PRELID2: variants seen among roughly 807,000 people sequenced by gnomAD.
The protein encoded by PRELID2 is PRELI domain-containing protein 2.
A neutral mutation model predicts 28.4 loss-of-function variants in PRELID2; 25 were observed. The ratio of observed to expected loss-of-function variants is 0.88; its 90% CI spans 0.64 to 1.23. The LOEUF is 1.23. Among genes scored for constraint, PRELID2 ranks in the 50% most tolerant of loss-of-function variants. The pLI is 0.00. For missense variants in PRELID2, 201 were observed against 214.4 expected (o/e 0.94, Z 0.39); for synonymous variants, 76 against 71.6 (o/e 1.06, Z -0.31).
chr5:145,821,359 G>C (rs1007120243), intron 2 of PRELID2, among the ~76,000 whole-genome samples: 1 of 150,924 alleles, frequency 6.6e-6, no homozygotes, highest in Non-Finnish European at 1.5e-5. Context: ...CCTCGTGTTT[G>C]TGTGTGTGTG....
At chr5:145,623,196 A>G (rs1158006807) in intron 1 of PRELID2, among the ~76,000 whole-genome samples, 1 of 151,850 alleles carries the variant, frequency 6.6e-6, no homozygotes, top group Non-Finnish European at 1.5e-5. Flanking sequence ...CATGCCTGTA[A>G]TCCCAGCACT....
At chr5:145,332,498 C>T in the PRELID2 span, among the ~76,000 whole-genome samples, 3 of 151,982 alleles carry the variant, frequency 2.0e-5, no homozygotes, top group Admixed American at 1.3e-4. Context: ...CCTGTCTTCA[C>T]ATTTTATTTC....
At chr5:145,793,302 T>C (rs17422183) in intron 5 of PRELID2, among the ~76,000 whole-genome samples, 8,012 of 152,244 alleles carry the variant, frequency 0.053, 307 homozygotes, top group Non-Finnish European at 0.082. Flanking sequence ...TGTGAGTACC[T>C]AGTTTTGATT....
chr5:145,787,414 G>A (rs1008248506), intron 5 of PRELID2, among the ~76,000 whole-genome samples: 1 of 152,130 alleles, frequency 6.6e-6, no homozygotes, highest in African/African-American at 2.4e-5. Flanking sequence ...TGGGGAGTGG[G>A]AAGCTAGCAA....
intron 5 of PRELID2, among the ~76,000 whole-genome samples, chr5:145,767,175 G>A (rs1299232934): frequency 7.0e-6 from 1 of 142,098 alleles, no homozygotes; most frequent in Admixed American, 7.4e-5. Flanking sequence ...CACTGGTGGA[G>A]TGGCAGAGCA....
chr5:145,705,921 C>T (rs1326896273), intron 1 of PRELID2, among the ~76,000 whole-genome samples: 1 of 146,892 alleles, frequency 6.8e-6, no homozygotes, highest in Non-Finnish European at 1.5e-5. Context: ...ATACACCACC[C>T]ATGCACACAT....
chr5:145,792,746 T>C (rs1460380333), intron 5 of PRELID2, among the ~76,000 whole-genome samples: 1 of 152,160 alleles, frequency 6.6e-6, no homozygotes, highest in East Asian at 1.9e-4. Flanking sequence ...CATATAACCA[T>C]AAAAAGAAAA....
At chr5:145,787,518 C>T (rs1375494905) in intron 5 of PRELID2, among the ~76,000 whole-genome samples, 8 of 148,418 alleles carry the variant, frequency 5.4e-5, no homozygotes, top group African/African-American at 1.0e-4. Flanking sequence ...CATGCTGTCT[C>T]AACAGGGCAA....
the PRELID2 span, among the ~76,000 whole-genome samples, chr5:145,443,453 C>T: frequency 7.9e-3 from 1,207 of 152,098 alleles, 12 homozygotes; most frequent in African/African-American, 0.027. Context: ...CATGATAGAA[C>T]GCTCAATTGG....
the PRELID2 span, among the ~76,000 whole-genome samples, chr5:145,256,072 G>T: frequency 6.6e-6 from 1 of 151,758 alleles, no homozygotes; most frequent in Non-Finnish European, 1.5e-5. Flanking sequence ...GGAAGTCAAG[G>T]CAAAACAGGT....
chr5:145,379,627 G>A, the PRELID2 span, among the ~76,000 whole-genome samples: 2 of 152,256 alleles, frequency 1.3e-5, no homozygotes, highest in African/African-American at 4.8e-5. Context: ...ACCTGCAATG[G>A]AATTTGGAGC....
At chr5:145,702,179 A>C (rs1459433565) in intron 1 of PRELID2, among the ~76,000 whole-genome samples, 1 of 152,164 alleles carries the variant, frequency 6.6e-6, no homozygotes, top group African/African-American at 2.4e-5. Flanking sequence ...CCCTATAAAC[A>C]CTTATAAAAA....
At chr5:145,802,575 A>C (rs915603592) in intron 4 of PRELID2, among the ~76,000 whole-genome samples, 1 of 152,202 alleles carries the variant, frequency 6.6e-6, no homozygotes, top group Non-Finnish European at 1.5e-5. Flanking sequence ...AATGAACCAG[A>C]TATCACAGGA....
chr5:145,557,089 T>C (rs1301502101), intron 1 of PRELID2, among the ~76,000 whole-genome samples: 1 of 152,204 alleles, frequency 6.6e-6, no homozygotes, highest in African/African-American at 2.4e-5. Flanking sequence ...TCTGTTTTGT[T>C]CACCAGTATG....
At chr5:145,709,146 G>C (rs754500744) in intron 1 of PRELID2, among the ~76,000 whole-genome samples, 11 of 152,078 alleles carry the variant, frequency 7.2e-5, no homozygotes, top group Admixed American at 2.0e-4. Flanking sequence ...TCTTTTCCTG[G>C]ACCGCCTACC....
chr5:145,696,679 G>A (rs1237941471), intron 1 of PRELID2, among the ~76,000 whole-genome samples: 1 of 151,814 alleles, frequency 6.6e-6, no homozygotes, highest in Non-Finnish European at 1.5e-5. Context: ...GCCCAGGCTG[G>A]TTTGGAACTC....
the PRELID2 span, among the ~76,000 whole-genome samples, chr5:145,426,314 A>T: frequency 3.1e-4 from 47 of 152,156 alleles, 1 homozygote; most frequent in Non-Finnish European, 1.3e-4. Flanking sequence ...TTAAATTTTC[A>T]TCTCGGTGAG....
chr5:145,337,441 T>A, the PRELID2 span, among the ~76,000 whole-genome samples: 6 of 151,580 alleles, frequency 4.0e-5, no homozygotes, highest in African/African-American at 1.2e-4. Context: ...TAGTGTCAGA[T>A]CCTACAGGTT....
rs901391637 is a variant in PRELID2 at position 145,835,267 on chromosome 5, G to A, written c.-16C>T. On this transcript the variant is annotated 5_prime_UTR_variant, in exon 1 of 7. Coordinates refer to ENST00000683046, the MANE Select transcript of PRELID2 (RefSeq NM_205846.3). ...AGACCCCCATCCCCGCGCGCCGCGG[G>A]CCCCGCGCACCGGCCACGCCTCCGC... is the stretch of plus-strand genomic sequence containing the variant. 3 of 1,539,594 alleles carry A rather than the reference G, an allele frequency of 1.9e-6. No individual in the cohort carries two copies. Among genetic ancestry groups the A allele is most frequent in the Middle Eastern group, 1.9e-4 (1 of 5,284 alleles).
Sources: allele counts gnomAD v4.1 joint callset (sites outside exome capture counted in the v4.1 genomes callset), GRCh38; gene constraint gnomAD v4.1.1; transcripts MANE v1.5; gene names NCBI Gene and HGNC (gene_info 2026-07-23, HGNC 2026-07-21).